SH3GL1: variants seen among roughly 807,000 people sequenced by gnomAD.
SH3GL1 encodes SH3 domain containing GRB2 like 1, endophilin A2.
In SH3GL1, 21 loss-of-function variants were observed where a neutral mutation model predicts 48.8. The observed-to-expected ratio is 0.43, with a 90% CI of 0.30 to 0.62. SH3GL1 has a LOEUF of 0.62. Ranked by LOEUF, SH3GL1 falls within the 20% of genes least tolerant of loss-of-function variation. The probability of loss-of-function intolerance (pLI) is 0.11; values close to 1 mark genes in which losing one functional copy is unlikely to be tolerated. For missense variants in SH3GL1, 454 were observed against 503.0 expected (o/e 0.90, Z 0.93); for synonymous variants, 282 against 217.5 (o/e 1.30, Z -2.61).
At chr19:4,396,409 C>T (rs1004606604) in intron 1 of SH3GL1, among the ~76,000 whole-genome samples, 3 of 152,048 alleles carry the variant, frequency 2.0e-5, no homozygotes, top group Non-Finnish European at 4.4e-5. Flanking sequence ...CAAAAACAAA[C>T]AAACAAACAA....
chr19:4,391,867 C>T (rs370543849), intron 1 of SH3GL1, among the ~76,000 whole-genome samples: 3 of 152,236 alleles, frequency 2.0e-5, no homozygotes, highest in Non-Finnish European at 2.9e-5. Context: ...CCAGGGTCCA[C>T]GCCGCCGGCT....
chr19:4,379,490 G>A (rs1973077753), intron 1 of SH3GL1, among the ~76,000 whole-genome samples: 1 of 151,912 alleles, frequency 6.6e-6, no homozygotes, highest in Admixed American at 6.5e-5. Context: ...TAAAAAGAAG[G>A]TTGGTAGAAA....
chr19:4,398,265 T>C lies in SH3GL1; in HGVS notation c.45+2059A>G, dbSNP rs555851137. Among the ~76,000 whole-genome samples the C allele has an allele frequency of 7.2e-5, 11 of 152,312 alleles. No individual in the cohort carries two copies. In the East Asian group the frequency reaches 1.5e-3, roughly 21 times the overall value. ...GGGCAGAGAACCCTGTTTGCCACCT[T>C]GGCCCAAGCATTTGCTAAGATCATT... On this transcript the variant is annotated intron_variant, in intron 1 of 9. Transcript: ENST00000269886.
In SH3GL1 at chr19:4,392,569, C is replaced by A. The variant is rs190267901; in HGVS notation, c.45+7755G>T. Among the ~76,000 whole-genome samples the A allele has an allele frequency of 6.1e-3, 783 of 127,592 alleles. 5 individuals carry two copies. The highest frequency in any genetic ancestry group is 0.022 in the African/African-American group (689 of 31,948). 83.7% of individuals were successfully genotyped at this position (127,592 alleles called of 152,430 possible). A position where few individuals can be genotyped will look rare whatever the true frequency, so the allele number is the denominator to read the frequency against. On this transcript the variant is annotated intron_variant, in intron 1 of 9. Transcript: ENST00000269886. The stretch of plus-strand genomic sequence containing the variant: ...ACACACACACACACACACACACACA[C>A]AAAAGATCATTCCATGTTTATGGCT...
chr19:4,382,922 T>C (rs771642972), intron 1 of SH3GL1, among the ~76,000 whole-genome samples: 7 of 152,144 alleles, frequency 4.6e-5, no homozygotes, highest in Non-Finnish European at 7.3e-5. Context: ...TTTGTGTATT[T>C]CATTTTTTCT....
chr19:4,381,855 G>A (rs886687891), intron 1 of SH3GL1, among the ~76,000 whole-genome samples: 5 of 151,334 alleles, frequency 3.3e-5, no homozygotes, highest in African/African-American at 7.3e-5. Flanking sequence ...GCCACGCCCC[G>A]CTAATTTTTT....
intron 1 of SH3GL1, among the ~76,000 whole-genome samples, chr19:4,386,476 C>CT (rs369353160): frequency 0.019 from 2,364 of 127,110 alleles, 52 homozygotes; most frequent in African/African-American, 0.056. Context: ...TTTGGGAACT[C>CT]TTTTTTTTTT....
At chr19:4,380,020 C>T (rs1195776707) in intron 1 of SH3GL1, 1 of 152,266 alleles carries the variant, frequency 6.6e-6, no homozygotes, top group Non-Finnish European at 1.5e-5. Context: ...CCTGGAAGGA[C>T]TGGCCCCACG....
chr19:4,364,154 G>T lies in SH3GL1; in HGVS notation c.399C>A (p.Ile133=), dbSNP rs368838505. 291 of 1,613,944 alleles carry T rather than the reference G, an allele frequency of 1.8e-4. No individual in the cohort carries two copies. Among genetic ancestry groups the T allele is most frequent in the Middle Eastern group, 5.0e-4 (3 of 6,052 alleles). Residue 133 remains isoleucine (I), a synonymous_variant, in exon 5 of 10, where the codon ATC becomes ATA. Transcript: ENST00000269886. ...GGTCAATGAAGTTCTGCTTGACCTCGATGTCCAGGGAGTCCTTCACCTCTG... is the reference window on the plus strand; with the variant it reads ...GGTCAATGAAGTTCTGCTTGACCTCTATGTCCAGGGAGTCCTTCACCTCTG... The part of the protein sequence containing the change: ...RLAEVKDSLD[I]EVKQNFIDPL...
At chr19:4,375,839 A>G (rs1972997523) in intron 1 of SH3GL1, among the ~76,000 whole-genome samples, 2 of 152,228 alleles carry the variant, frequency 1.3e-5, no homozygotes, top group Admixed American at 1.3e-4. Context: ...GCAGGGAAAC[A>G]CCAGCTCTGC....
Position 4,365,561 on chromosome 19 carries a change from G to T in SH3GL1, c.252C>A (p.Pro84=), listed in dbSNP as rs774913209. 3 of 1,613,974 alleles carry T rather than the reference G, an allele frequency of 1.9e-6. No individual in the cohort carries two copies. Among genetic ancestry groups the T allele is most frequent in the Non-Finnish European group, 2.5e-6 (3 of 1,180,044 alleles). The change falls in exon 4 of 10, where the codon CCC becomes CCA. Residue 84 remains proline, a synonymous_variant. Coordinates refer to ENST00000269886, the MANE Select transcript of SH3GL1 (RefSeq NM_003025.4). ...GAAGCCCCTCCGACTGCGGGTAGCC[G>T]GGGTTCTTCACCTGGCCCCGGATCT... ...VSKIRGQVKN[P]GYPQSEGLLG... is the part of the protein sequence containing the mutation.
intron 1 of SH3GL1, among the ~76,000 whole-genome samples, chr19:4,393,297 C>CAA (rs5826842): frequency 2.1e-4 from 32 of 150,374 alleles, no homozygotes; most frequent in South Asian, 6.3e-4. Context: ...AACAAACAAA[C>CAA]AAAAAAAAAC....
rs558684280 is a variant in SH3GL1 at position 4,399,181 on chromosome 19, G to A, written c.45+1143C>T. Among the ~76,000 whole-genome samples, 438 of 152,118 alleles carry A rather than the reference G, an allele frequency of 2.9e-3. 2 individuals are homozygous for A. The highest frequency in any genetic ancestry group is 9.1e-3 in the Admixed American group (139 of 15,264). ...CTAAAATTACAAAAAGTAGCCGGGCGTGGTGGCGCATGCCTGTAGTCCCAG... is the reference window on the plus strand; with the variant it reads ...CTAAAATTACAAAAAGTAGCCGGGCATGGTGGCGCATGCCTGTAGTCCCAG... On this transcript the variant is annotated intron_variant, in intron 1 of 9. Coordinates refer to ENST00000269886, the MANE Select transcript of SH3GL1 (RefSeq NM_003025.4).
intron 1 of SH3GL1, among the ~76,000 whole-genome samples, chr19:4,374,884 C>T (rs1026343388): frequency 7.9e-5 from 12 of 152,124 alleles, no homozygotes. Flanking sequence ...CTAGGCTGGC[C>T]AGTGCTGCCC....
At position 4,376,918 on chromosome 19, in the gene SH3GL1, C is replaced by T. The variant is rs1474616525; in HGVS notation, c.46-9924G>A. Among the ~76,000 whole-genome samples the T allele has an allele frequency of 6.6e-6, 1 of 152,210 alleles. No homozygotes were observed. The highest frequency in any genetic ancestry group is 1.5e-5 in the Non-Finnish European group (1 of 68,044). ...CCGGGCAACCTCTTGGGGGTCCTCG[C>T]CACATCCCACCCCTTGACAGCAGCT... is the stretch of plus-strand genomic sequence containing the variant. On this transcript the variant is annotated intron_variant, in intron 1 of 9. Coordinates refer to ENST00000269886, the MANE Select transcript of SH3GL1 (RefSeq NM_003025.4). The surrounding 1 kb of genome is among the most constrained non-coding windows in gnomAD (Gnocchi z 4.3).
intron 3 of SH3GL1, among the ~76,000 whole-genome samples, chr19:4,366,195 A>T (rs937159979): frequency 6.6e-6 from 1 of 152,184 alleles, no homozygotes; most frequent in Admixed American, 6.5e-5. Flanking sequence ...CGGCCAATAC[A>T]AATGGATCCC....
At chr19:4,371,368 C>T (rs904751154) in intron 1 of SH3GL1, among the ~76,000 whole-genome samples, 1 of 152,222 alleles carries the variant, frequency 6.6e-6, no homozygotes, top group Non-Finnish European at 1.5e-5. Flanking sequence ...GCTGTGGTGG[C>T]CACTTGGCAG....
chr19:4,393,861 G>A (rs1224930910), intron 1 of SH3GL1, among the ~76,000 whole-genome samples: 2 of 151,738 alleles, frequency 1.3e-5, no homozygotes, highest in East Asian at 1.9e-4. Context: ...AAGCAGTATC[G>A]TTGACATTCT....
chr19:4,365,097 G>A (rs1482624815), intron 4 of SH3GL1, among the ~76,000 whole-genome samples: 1 of 151,878 alleles, frequency 6.6e-6, no homozygotes, highest in East Asian at 1.9e-4. Flanking sequence ...TAAGCCCAGG[G>A]CCCGGAAATT....
Sources: gnomAD v4.1 joint callset for allele counts (sites outside exome capture counted in the v4.1 genomes callset) on GRCh38, gnomAD v4.1.1 for gene constraint, Gnocchi (gnomAD v3.1) non-coding constraint, MANE v1.5 for transcripts, NCBI Gene and HGNC (gene_info 2026-07-23, HGNC 2026-07-21) for gene names.